Variants in CADPS observed in about 807,000 individuals in gnomAD.
CADPS encodes the protein calcium-dependent secretion activator 1.
Under a neutral mutation model 167.3 loss-of-function variants are expected in CADPS, and 57 were observed. That is an observed-to-expected ratio of 0.34 (90% CI 0.28 to 0.42). The LOEUF is 0.42. Among genes scored for constraint, CADPS ranks in the 20% least tolerant of loss-of-function variants. The pLI, the probability that CADPS is intolerant of heterozygous loss-of-function variation, is 1.00. For missense variants in CADPS, 1,414 were observed against 1,738.1 expected (o/e 0.81, Z 3.32); for synonymous variants, 676 against 635.3 (o/e 1.06, Z -0.96).
intron 9 of CADPS, among the ~76,000 whole-genome samples, chr3:62,569,544 T>G (rs2080912345): frequency 6.6e-6 from 1 of 152,240 alleles, no homozygotes. Context: ...GTATTTTGCC[T>G]TAGCGGCACA....
At chr3:62,813,732 C>G (rs1375276717) in intron 1 of CADPS, among the ~76,000 whole-genome samples, 1 of 152,106 alleles carries the variant, frequency 6.6e-6, no homozygotes, top group Non-Finnish European at 1.5e-5. Context: ...CGTCCAGAAT[C>G]TATAAGGAAC....
chr3:62,430,680 A>C (rs908111616), intron 28 of CADPS, among the ~76,000 whole-genome samples: 7 of 151,998 alleles, frequency 4.6e-5, no homozygotes, highest in Non-Finnish European at 7.4e-5. Flanking sequence ...ATACACATAC[A>C]CACACACCCT....
At chr3:62,815,278 T>C (rs1416135749) in intron 1 of CADPS, among the ~76,000 whole-genome samples, 1 of 113,076 alleles carries the variant, frequency 8.8e-6, no homozygotes, top group Non-Finnish European at 1.8e-5. Context: ...ATAATGAACA[T>C]CATCTACTGC....
At chr3:62,815,095 C>T (rs540094961) in intron 1 of CADPS, among the ~76,000 whole-genome samples, 125 of 152,166 alleles carry the variant, frequency 8.2e-4, no homozygotes, top group Middle Eastern at 3.4e-3. Flanking sequence ...TGAGAGACTG[C>T]TGTTCTTAAA....
At chr3:62,657,110 A>G (rs1395408238) in intron 4 of CADPS, among the ~76,000 whole-genome samples, 1 of 152,206 alleles carries the variant, frequency 6.6e-6, no homozygotes, top group Non-Finnish European at 1.5e-5. Flanking sequence ...GGGGGTTAGT[A>G]TCTTTCTCTG....
intron 1 of CADPS, among the ~76,000 whole-genome samples, chr3:62,819,640 C>G (rs1171404042): frequency 1.3e-5 from 2 of 152,088 alleles, no homozygotes; most frequent in Non-Finnish European, 2.9e-5. Flanking sequence ...ATGTGATTAA[C>G]GATGGGGTTC....
chr3:62,778,703 G>GT (rs1034047781), intron 1 of CADPS, among the ~76,000 whole-genome samples: 1 of 152,192 alleles, frequency 6.6e-6, no homozygotes, highest in African/African-American at 2.4e-5. Flanking sequence ...ACCCAGGTAT[G>GT]TACAAGTTTA....
At chr3:62,512,868 T>C in intron 16 of CADPS, 100 bp from the exon 17 acceptor site, 1 of 942,648 alleles carries the variant, frequency 1.1e-6, no homozygotes, top group East Asian at 2.7e-5. Flanking sequence ...CCCACTTATG[T>C]GTGATACATG....
chr3:62,401,750 T>C (rs1386450257), intron 29 of CADPS, among the ~76,000 whole-genome samples: 1 of 152,112 alleles, frequency 6.6e-6, no homozygotes, highest in Non-Finnish European at 1.5e-5. Flanking sequence ...TTTTTTGTTT[T>C]GGCAAAAGGC....
chr3:62,683,011 T>C (rs1025972304), intron 3 of CADPS, among the ~76,000 whole-genome samples: 3 of 152,190 alleles, frequency 2.0e-5, no homozygotes, highest in Middle Eastern at 3.4e-3. Context: ...AGAAATAGCA[T>C]GTCTCAATGG....
intron 3 of CADPS, among the ~76,000 whole-genome samples, chr3:62,747,442 G>A (rs886580733): frequency 6.6e-6 from 1 of 152,150 alleles, no homozygotes; most frequent in Non-Finnish European, 1.5e-5. Context: ...CCAGCAATCT[G>A]GGTCACAGCT....
At chr3:62,556,994 AACACACACAC>A (rs56228621) in intron 10 of CADPS, among the ~76,000 whole-genome samples, 91,441 of 143,522 alleles carry the variant, frequency 0.64, 29,325 homozygotes, top group Admixed American at 0.72. Flanking sequence ...GGTGAAAAAC[AACACACACAC>A]ACACACACAC....
intron 4 of CADPS, among the ~76,000 whole-genome samples, chr3:62,652,339 G>A (rs1312868876): frequency 1.3e-5 from 2 of 150,368 alleles, no homozygotes; most frequent in Non-Finnish European, 2.9e-5. Context: ...CCTTGTGGCT[G>A]GGAGTAGAAC....
intron 17 of CADPS, among the ~76,000 whole-genome samples, chr3:62,506,275 C>T (rs1414119941): frequency 3.3e-5 from 5 of 152,066 alleles, no homozygotes; most frequent in Non-Finnish European, 7.4e-5. Flanking sequence ...GTATTCCCAG[C>T]TACTCAGGAG....
intron 2 of CADPS, among the ~76,000 whole-genome samples, chr3:62,756,444 T>C (rs142959844): frequency 6.6e-6 from 1 of 152,314 alleles, no homozygotes; most frequent in East Asian, 1.9e-4. Flanking sequence ...CTGTAATGAT[T>C]ATAAACTTTT....
intron 13 of CADPS, 148 bp from the exon 14 acceptor site, chr3:62,518,398 G>C (rs1461111775): frequency 1.6e-6 from 1 of 618,158 alleles, no homozygotes; most frequent in Non-Finnish European, 2.8e-6. Context: ...TTCAGGGCTA[G>C]CTTCCAAAGG....
intron 1 of CADPS, among the ~76,000 whole-genome samples, chr3:62,791,107 A>C (rs1043966382): frequency 7.2e-5 from 11 of 152,164 alleles, no homozygotes; most frequent in Admixed American, 5.9e-4. Flanking sequence ...GGGGAGACAA[A>C]ATTCCAGGTC....
At chr3:62,652,655 G>A (rs1200434574) in intron 4 of CADPS, among the ~76,000 whole-genome samples, 2 of 151,854 alleles carry the variant, frequency 1.3e-5, no homozygotes, top group Non-Finnish European at 2.9e-5. Context: ...AGAGAAAGAG[G>A]TAGAGACAAA....
At chr3:62,400,522 A>G (rs1705522088) in intron 29 of CADPS, among the ~76,000 whole-genome samples, 1 of 151,646 alleles carries the variant, frequency 6.6e-6, no homozygotes, top group Non-Finnish European at 1.5e-5. Context: ...CTATTGATAT[A>G]GGAAACTTGC....
Sources: allele counts gnomAD v4.1 joint callset (sites outside exome capture counted in the v4.1 genomes callset), GRCh38; gene constraint gnomAD v4.1.1; transcripts MANE v1.5; gene names NCBI Gene and HGNC (gene_info 2026-07-23, HGNC 2026-07-21).